NUCB2: variants seen among roughly 807,000 people sequenced by gnomAD.
The protein encoded by NUCB2 is nucleobindin-2.
A neutral mutation model predicts 57.9 loss-of-function variants in NUCB2; 48 were observed. The observed-to-expected ratio is 0.83, with a 90% CI of 0.66 to 1.05. The LOEUF is 1.05. Ranked by LOEUF, NUCB2 falls within the 50% of genes least tolerant of loss-of-function variation. The pLI is 0.00. For synonymous variants in NUCB2, 139 were observed against 152.1 expected, an observed-to-expected ratio of 0.91 and a Z score of 0.64; for missense variants, 442 against 476.2, an observed-to-expected ratio of 0.93 and a Z score of 0.67.
intron 5 of NUCB2, among the ~76,000 whole-genome samples, chr11:17,307,167 G>A (rs1947795112): frequency 6.6e-6 from 1 of 152,096 alleles, no homozygotes; most frequent in South Asian, 2.1e-4. Context: ...GGCTCCCAAA[G>A]TGCTGGGTTT....
rs61010471 is a variant in NUCB2, at chr11:17,314,515, A to G, written c.913-871A>G. ...ATCAAGCTTGTTCCCATTTTAGGGCATTTGGACTTAATATTTCTTTTTTCT... is the reference window on the plus strand; with the variant it reads ...ATCAAGCTTGTTCCCATTTTAGGGCGTTTGGACTTAATATTTCTTTTTTCT... On this transcript the variant is annotated intron_variant, in intron 10 of 13. Coordinates refer to ENST00000529010, the MANE Select transcript of NUCB2 (RefSeq NM_005013.4). Among the ~76,000 whole-genome samples, 702 of 152,060 alleles carry G rather than the reference A, an allele frequency of 4.6e-3. 7 individuals are homozygous for G. The highest frequency in any genetic ancestry group is 0.016 in the African/African-American group (674 of 41,476).
At chr11:17,303,992 A>G (rs1035634472) in intron 5 of NUCB2, among the ~76,000 whole-genome samples, 7 of 152,042 alleles carry the variant, frequency 4.6e-5, no homozygotes, top group Non-Finnish European at 7.4e-5. Context: ...AAGTAATAAA[A>G]TACTAATTAA....
intron 8 of NUCB2, 105 bp from the exon 9 acceptor site, chr11:17,311,767 C>G: frequency 1.4e-6 from 1 of 696,438 alleles, no homozygotes; most frequent in Admixed American, 2.6e-5. Flanking sequence ...TCTATTGATG[C>G]TTCACATCAG....
chr11:17,319,641 T>C (rs1487820463), intron 11 of NUCB2, among the ~76,000 whole-genome samples: 1 of 152,246 alleles, frequency 6.6e-6, no homozygotes, highest in Non-Finnish European at 1.5e-5. Context: ...TATTCATTTC[T>C]ACATATCTAT....
intron 2 of NUCB2, among the ~76,000 whole-genome samples, chr11:17,292,918 A>C (rs1159976118): frequency 2.0e-5 from 3 of 152,226 alleles, no homozygotes; most frequent in Non-Finnish European, 4.4e-5. Flanking sequence ...TTAGTGTTTT[A>C]AAGCAGTTTC....
chr11:17,282,510 C>T (rs993886204), intron 1 of NUCB2, among the ~76,000 whole-genome samples: 2 of 152,010 alleles, frequency 1.3e-5, no homozygotes, highest in Non-Finnish European at 2.9e-5. Flanking sequence ...ATCTCTCCAC[C>T]TCGGCCTCCC....
chr11:17,314,852 T>C (rs1329687516), intron 10 of NUCB2, among the ~76,000 whole-genome samples: 1 of 152,246 alleles, frequency 6.6e-6, no homozygotes, highest in African/African-American at 2.4e-5. Flanking sequence ...TACACCTTTG[T>C]AACGAAATTT....
intron 2 of NUCB2, among the ~76,000 whole-genome samples, chr11:17,285,871 C>A (rs1044649753): frequency 1.3e-5 from 2 of 151,252 alleles, no homozygotes; most frequent in African/African-American, 4.9e-5. Context: ...TAACCACTTC[C>A]AGGATATCTT....
downstream of NUCB2, among the ~76,000 whole-genome samples, chr11:17,336,741 G>T (rs563298523): frequency 5.6e-5 from 6 of 106,578 alleles, no homozygotes; most frequent in Non-Finnish European, 1.0e-4. Context: ...GCGACAGAGC[G>T]AGACTCCGTC....
chr11:17,315,348 A>T (rs1238499149), intron 10 of NUCB2, 38 bp from the exon 11 acceptor site: 1 of 1,175,328 alleles, frequency 8.5e-7, no homozygotes, highest in Admixed American at 2.0e-5. Flanking sequence ...TATGAGAAAG[A>T]TTTACTTTAT....
At chr11:17,327,673 A>G (rs1216029069) in intron 11 of NUCB2, among the ~76,000 whole-genome samples, 7 of 152,188 alleles carry the variant, frequency 4.6e-5, no homozygotes, top group African/African-American at 1.4e-4. Context: ...AAGCTCAGTA[A>G]TTCTTTCTTA....
At position 17,314,425 on chromosome 11, in the gene NUCB2, G is replaced by A. The variant is rs1421476780; in HGVS notation, c.913-961G>A. On this transcript the variant is annotated intron_variant, in intron 10 of 13. Coordinates refer to ENST00000529010, the MANE Select transcript of NUCB2 (RefSeq NM_005013.4). ...AATCCCTCCTATTTCCAAAAGATTC[G>A]TGACTTCATCCTTGCCTTGCTCTCT... Among the ~76,000 whole-genome samples the A allele has an allele frequency of 3.9e-5, 6 of 151,918 alleles. No individual in the cohort carries two copies. In the East Asian group the frequency reaches 1.2e-3, roughly 29 times the overall value.
At chr11:17,306,283 A>G (rs1947627874) in intron 5 of NUCB2, among the ~76,000 whole-genome samples, 1 of 152,208 alleles carries the variant, frequency 6.6e-6, no homozygotes, top group Non-Finnish European at 1.5e-5. Flanking sequence ...AAAACTTCAG[A>G]TTGCATGAGA....
exon 3 of NUCB2, chr11:17,349,973 A>C (rs1034282791): frequency 2.0e-5 from 3 of 152,222 alleles, no homozygotes; most frequent in Non-Finnish European, 4.4e-5. Flanking sequence ...AGAGTTTTCC[A>C]TAAATAATTC....
chr11:17,284,662 C>G (rs962271065), intron 2 of NUCB2, among the ~76,000 whole-genome samples: 1 of 151,892 alleles, frequency 6.6e-6, no homozygotes, highest in East Asian at 1.9e-4. Context: ...ACTTGTTGAC[C>G]TCAAACAAAA....
chr11:17,302,471 TC>T (rs1392580208), intron 5 of NUCB2, among the ~76,000 whole-genome samples: 1 of 152,046 alleles, frequency 6.6e-6, no homozygotes, highest in Non-Finnish European at 1.5e-5. Context: ...AGAAAGAATA[TC>T]TAATCAGAAG....
chr11:17,291,811 T>C (rs1944990299), intron 2 of NUCB2, among the ~76,000 whole-genome samples: 1 of 152,114 alleles, frequency 6.6e-6, no homozygotes, highest in Non-Finnish European at 1.5e-5. Flanking sequence ...TTTCCTGGCT[T>C]TACATCATTT....
chr11:17,312,390 C>T (rs1004885519), intron 10 of NUCB2, among the ~76,000 whole-genome samples: 1 of 150,264 alleles, frequency 6.7e-6, no homozygotes, highest in Non-Finnish European at 1.5e-5. Flanking sequence ...GCTGGAGCCA[C>T]CATGCCTACC....
At chr11:17,279,789 T>A (rs1942165239) in intron 1 of NUCB2, among the ~76,000 whole-genome samples, 3 of 147,794 alleles carry the variant, frequency 2.0e-5, no homozygotes, top group Admixed American at 6.8e-5. Flanking sequence ...ATTTTTTTTT[T>A]TTTTTTTTTT....
Sources: gnomAD v4.1 joint callset for allele counts (sites outside exome capture counted in the v4.1 genomes callset) on GRCh38, gnomAD v4.1.1 for gene constraint, MANE v1.5 for transcripts, NCBI Gene and HGNC (gene_info 2026-07-23, HGNC 2026-07-21) for gene names.